The following IQSEC1 variants were observed in gnomAD, a reference collection of about 807,000 sequenced individuals.
The protein encoded by IQSEC1 is IQ motif and Sec7 domain ArfGEF 1, also known as IQ motif and SEC7 domain-containing protein 1.
IQSEC1 carries 31 observed loss-of-function variants against 91.0 expected under a neutral mutation model. The observed-to-expected ratio is 0.34, with a 90% CI of 0.26 to 0.46. The LOEUF is 0.46. Ranked by LOEUF, IQSEC1 falls within the 20% of genes least tolerant of loss-of-function variation. The pLI, the probability that IQSEC1 is intolerant of heterozygous loss-of-function variation, is 1.00. For synonymous variants in IQSEC1, 699 were observed against 662.6 expected (o/e 1.05, Z -0.84); for missense variants, 1,388 against 1,575.6 (o/e 0.88, Z 2.02).
chr3:13,260,180 A>T (rs1695357736), intron 1 of IQSEC1, among the ~76,000 whole-genome samples: 1 of 152,194 alleles, frequency 6.6e-6, no homozygotes, highest in African/African-American at 2.4e-5. Context: ...GGAGGAAGGG[A>T]AGAGGGTGGA....
chr3:13,274,434 G>A (rs1278460842), intron 1 of IQSEC1, among the ~76,000 whole-genome samples: 4 of 152,156 alleles, frequency 2.6e-5, no homozygotes, highest in African/African-American at 9.7e-5. Flanking sequence ...GTGCTCCTGC[G>A]GTTCCCACGG....
In IQSEC1 at chr3:12,936,579, G is replaced by C. The variant is rs778140784; in HGVS notation, c.437C>G (p.Ser146Cys). The change falls in exon 3 of 14, where the codon TCC becomes TGC. Residue 146 changes from serine (S) to cysteine (C), a missense_variant. Physicochemically the swap from Ser to Cys is moderately radical, Grantham distance 112 (BLOSUM62 -1). Transcript: ENST00000613206. ...GCGTGACATGCGGTTCTCTGACATG[G>C]AGCTGCGCAAGCGCTCGAAGTTCTT... ...MNKNFERLRSSMSENRMSRRI... is the reference protein window; with the variant it reads ...MNKNFERLRSCMSENRMSRRI... 1.2e-6 allele frequency: 2 copies of C among 1,613,308 alleles called. No individual in the cohort carries two copies. Among genetic ancestry groups the C allele is most frequent in the Admixed American group, 3.3e-5 (2 of 60,030 alleles).
intron 1 of IQSEC1, among the ~76,000 whole-genome samples, chr3:13,280,380 G>A (rs1695766059): frequency 6.6e-6 from 1 of 152,196 alleles, no homozygotes; most frequent in Non-Finnish European, 1.5e-5. Context: ...TCTGCAGATG[G>A]GCAGTGGGAT....
Position 12,924,465 on chromosome 3 carries a change from C to CA in IQSEC1, c.1730+115dup, listed in dbSNP as rs1696932315. 1 of 1,068,014 alleles carries CA rather than the reference C, an allele frequency of 9.4e-7. No homozygotes were observed. Among genetic ancestry groups the CA allele is most frequent in the African/African-American group, 1.6e-5 (1 of 61,122 alleles). 66.2% of individuals were successfully genotyped at this position (1,068,014 alleles called of 1,614,324 possible). A position where few individuals can be genotyped will look rare whatever the true frequency, so the allele number is the denominator to read the frequency against. On this transcript the variant is annotated intron_variant, in intron 4 of 13. Transcript: ENST00000613206. This position sits in a 1 kb window ranked among gnomAD's most constrained non-coding sequence, Gnocchi z 6.3. ...ACTTAGGAAGAGAGAAAGGGGGGCC[C>CA]ACCACATGTCCCAGCAAGTAGGGTG...
At chr3:13,196,366 A>G (rs770475221) in intron 1 of IQSEC1, among the ~76,000 whole-genome samples, 3 of 152,234 alleles carry the variant, frequency 2.0e-5, no homozygotes, top group Non-Finnish European at 4.4e-5. Flanking sequence ...TCCTGACCTC[A>G]GAGACAAGGA....
intron 1 of IQSEC1, chr3:13,022,401 G>A (rs930145438): frequency 1.8e-6 from 2 of 1,103,432 alleles, no homozygotes; most frequent in Non-Finnish European, 2.2e-6. Flanking sequence ...AGACCCTGTG[G>A]CTTCTGCACA....
At position 12,909,443 on chromosome 3, in the gene IQSEC1, G is replaced by A. The variant is rs369227333; in HGVS notation, c.2417-9C>T. On this transcript the variant is annotated splice_polypyrimidine_tract_variant and intron_variant, in intron 10 of 13. Transcript: ENST00000613206. The surrounding 1 kb of genome is among the most constrained non-coding windows in gnomAD (Gnocchi z 4.9). The stretch of plus-strand genomic sequence containing the variant: ...GATGCCATTGGGGTAGTCTGCAAAA[G>A]GGAAGGAGAGGGGAGGAGGCCCACG... 17 of 1,612,068 alleles carry A rather than the reference G, an allele frequency of 1.1e-5. No homozygotes were observed. The highest frequency in any genetic ancestry group is 1.3e-5 in the Non-Finnish European group (15 of 1,178,714).
chr3:13,025,549 G>A (rs522491), intron 1 of IQSEC1, among the ~76,000 whole-genome samples: 95,203 of 151,960 alleles, frequency 0.63, 30,746 homozygotes, highest in Non-Finnish European at 0.72. Context: ...GTGAGGGTCA[G>A]TGAGCCTCTG....
intron 2 of IQSEC1, among the ~76,000 whole-genome samples, chr3:13,155,145 A>G (rs1707064913): frequency 6.6e-6 from 1 of 152,232 alleles, no homozygotes; most frequent in South Asian, 2.1e-4. Flanking sequence ...GCAGAGATAA[A>G]CTGATAATAT....
chr3:13,045,517 G>A (rs1392735462), intron 1 of IQSEC1, among the ~76,000 whole-genome samples: 1 of 152,154 alleles, frequency 6.6e-6, no homozygotes, highest in Non-Finnish European at 1.5e-5. Flanking sequence ...TGAGGCACTG[G>A]GGCATTGGCT....
In IQSEC1 at chr3:13,015,537, C is replaced by T. The variant is rs888376470; in HGVS notation, c.23+57455G>A. The T allele has an allele frequency of 8.1e-6, 8 of 985,116 alleles. 1 individual carries two copies. The Admixed American group carries it at 3.7e-4, about 45-fold the overall frequency. 61.0% of individuals were successfully genotyped at this position (985,116 alleles called of 1,614,324 possible). On this transcript the variant is annotated intron_variant, in intron 1 of 13. Coordinates refer to ENST00000613206, the MANE Select transcript of IQSEC1 (RefSeq NM_001134382.3). ...CCAGCCCCTCACAGGTTTCTCAGGGCTGCTGAGGTCCCCTCCCCGGGCCAG... is the reference window on the plus strand; with the variant it reads ...CCAGCCCCTCACAGGTTTCTCAGGGTTGCTGAGGTCCCCTCCCCGGGCCAG...
chr3:13,025,121 C>T (rs922937005), intron 1 of IQSEC1, among the ~76,000 whole-genome samples: 6 of 152,220 alleles, frequency 3.9e-5, no homozygotes, highest in African/African-American at 1.4e-4. Flanking sequence ...CCTGGCACTG[C>T]CGGGCACGTG....
chr3:13,225,782 T>C (rs1243879761), intron 1 of IQSEC1, among the ~76,000 whole-genome samples: 3 of 152,128 alleles, frequency 2.0e-5, no homozygotes, highest in African/African-American at 7.2e-5. Flanking sequence ...AGAGGGGCAA[T>C]TTAGGTTGGG....
chr3:13,153,653 C>A (rs1707036656), intron 2 of IQSEC1, among the ~76,000 whole-genome samples: 1 of 152,206 alleles, frequency 6.6e-6, no homozygotes, highest in African/African-American at 2.4e-5. Context: ...AGACCCACCC[C>A]CTTCAGAAGC....
intron 1 of IQSEC1, among the ~76,000 whole-genome samples, chr3:13,024,371 CTCCATCCATCCATCCA>C (rs55811710): frequency 4.4e-4 from 62 of 142,080 alleles, no homozygotes; most frequent in East Asian, 1.1e-3. Flanking sequence ...CCATCCATCA[CTCCATCCATCCATCCA>C]TCCATCCATC....
chr3:13,228,470 C>G (rs1480140678), intron 1 of IQSEC1, among the ~76,000 whole-genome samples: 3 of 152,216 alleles, frequency 2.0e-5, no homozygotes, highest in Non-Finnish European at 4.4e-5. Context: ...AGACAGCAGG[C>G]ACCAAATGCG....
chr3:13,068,048 C>G (rs1705294115), intron 1 of IQSEC1, among the ~76,000 whole-genome samples: 1 of 152,240 alleles, frequency 6.6e-6, no homozygotes, highest in Non-Finnish European at 1.5e-5. Context: ...TCAGCCCCAC[C>G]ACATAGAGCA....
At chr3:13,058,452 T>C (rs1380553629) in intron 1 of IQSEC1, among the ~76,000 whole-genome samples, 2 of 152,128 alleles carry the variant, frequency 1.3e-5, no homozygotes, top group Non-Finnish European at 2.9e-5. Context: ...CAAACATCCT[T>C]GGGGGCAGGG....
intron 1 of IQSEC1, among the ~76,000 whole-genome samples, chr3:13,261,146 C>T (rs937607151): frequency 7.9e-5 from 12 of 152,218 alleles, no homozygotes; most frequent in South Asian, 2.1e-4. Flanking sequence ...GGGAGGCCGC[C>T]CAGGCGCCCT....
Sources: allele counts gnomAD v4.1 joint callset (sites outside exome capture counted in the v4.1 genomes callset), GRCh38; gene constraint gnomAD v4.1.1; non-coding constraint Gnocchi (gnomAD v3.1); transcripts MANE v1.5; gene names NCBI Gene and HGNC (gene_info 2026-07-23, HGNC 2026-07-21).